Variants in GSTCD observed in about 807,000 individuals in gnomAD.
GSTCD encodes glutathione S-transferase C-terminal domain-containing protein.
Under a neutral mutation model 68.3 loss-of-function variants are expected in GSTCD, and 44 were observed. The observed-to-expected ratio is 0.64, with a 90% CI of 0.51 to 0.83. GSTCD has a LOEUF of 0.83. GSTCD is among the 40% of genes least tolerant of loss of function. GSTCD has a pLI of 0.00. For missense variants in GSTCD, 739 were observed against 735.9 expected (o/e 1.00, Z -0.05); for synonymous variants, 273 against 255.2 (o/e 1.07, Z -0.67).
intron 5 of GSTCD, among the ~76,000 whole-genome samples, chr4:105,763,077 TCA>T (rs1247487629): frequency 2.6e-5 from 4 of 152,158 alleles, no homozygotes; most frequent in African/African-American, 9.7e-5. Flanking sequence ...ATGAAAGCTG[TCA>T]CAGTTTCTCT....
rs1276201906 is a variant in GSTCD, at chr4:105,744,714, C to G, written c.1240+15215C>G. ...GCATAACAACATATTACAGGCTTATCTTATCATTTACCTGCCCCAGCCCTA... is the reference window on the plus strand; with the variant it reads ...GCATAACAACATATTACAGGCTTATGTTATCATTTACCTGCCCCAGCCCTA... On this transcript the variant is annotated intron_variant, in intron 5 of 11. Coordinates refer to ENST00000515279, the MANE Select transcript of GSTCD (RefSeq NM_001370181.1). Among the ~76,000 whole-genome samples the G allele has an allele frequency of 2.6e-5, 4 of 152,166 alleles. No individual in the cohort carries two copies. In the South Asian group the frequency reaches 6.2e-4, roughly 24 times the overall value.
chr4:105,737,927 T>A (rs1442853676), intron 5 of GSTCD, among the ~76,000 whole-genome samples: 1 of 152,208 alleles, frequency 6.6e-6, no homozygotes, highest in South Asian at 2.1e-4. Flanking sequence ...CATGGTAATG[T>A]GTGAGTTCTC....
chr4:105,823,442 AG>A (rs1261045652), intron 7 of GSTCD, 167 bp downstream of exon 7: 1 of 489,820 alleles, frequency 2.0e-6, no homozygotes, highest in African/African-American at 2.0e-5. Flanking sequence ...CAGAATCTTA[AG>A]GAAAAAAAAG....
intron 1 of GSTCD, among the ~76,000 whole-genome samples, chr4:105,715,158 AG>A (rs1160586837): frequency 6.6e-6 from 1 of 152,114 alleles, no homozygotes; most frequent in African/African-American, 2.4e-5. Flanking sequence ...CTCCTCAAAA[AG>A]ACTGTTAATT....
intron 5 of GSTCD, among the ~76,000 whole-genome samples, chr4:105,739,223 G>C (rs1241363614): frequency 6.6e-6 from 1 of 152,076 alleles, no homozygotes; most frequent in African/African-American, 2.4e-5. Context: ...ATGTGCTGTT[G>C]GATTTTCTGT....
At chr4:105,726,861 A>G (rs758089738) in intron 4 of GSTCD, 31 bp downstream of exon 4, 1 of 1,542,516 alleles carries the variant, frequency 6.5e-7, no homozygotes, top group Non-Finnish European at 8.8e-7. Context: ...TCTTTGAAAA[A>G]TTCTATGTGA....
At chr4:105,776,148 G>A (rs529210807) in intron 5 of GSTCD, among the ~76,000 whole-genome samples, 4 of 152,260 alleles carry the variant, frequency 2.6e-5, no homozygotes, top group African/African-American at 9.6e-5. Context: ...ATACTGCGAG[G>A]GGAAAACCAC....
rs57039503 is a variant in GSTCD at position 105,769,233 on chromosome 4, GCACACACACACA to G, written c.1240+39764_1240+39775del. Among the ~76,000 whole-genome samples the G allele has an allele frequency of 3.6e-3, 523 of 146,282 alleles. 1 individual carries two copies. Among genetic ancestry groups the G allele is most frequent in the Middle Eastern group, 0.011 (3 of 284 alleles). ...TTTTAAAAATATACTATACACGCGC[GCACACACACACA>G]CACACACACACACACACACACACAC... On this transcript the variant is annotated intron_variant, in intron 5 of 11. Coordinates refer to ENST00000515279, the MANE Select transcript of GSTCD (RefSeq NM_001370181.1).
At chr4:105,732,161 T>C (rs1012877724) in intron 5 of GSTCD, among the ~76,000 whole-genome samples, 1 of 152,292 alleles carries the variant, frequency 6.6e-6, no homozygotes, top group South Asian at 2.1e-4. Flanking sequence ...TCTTTTTTTG[T>C]TGTGTTTCTG....
chr4:105,725,519 T>G (rs1245165407), intron 3 of GSTCD, among the ~76,000 whole-genome samples: 1 of 152,150 alleles, frequency 6.6e-6, no homozygotes, highest in Non-Finnish European at 1.5e-5. Flanking sequence ...TGTTTTGGGT[T>G]TTTGCCATTC....
intron 5 of GSTCD, among the ~76,000 whole-genome samples, chr4:105,803,244 T>C (rs1252165284): frequency 2.0e-5 from 3 of 152,072 alleles, no homozygotes; most frequent in Non-Finnish European, 4.4e-5. Flanking sequence ...TATTTTTCCT[T>C]CTTGTTGGTA....
intron 5 of GSTCD, among the ~76,000 whole-genome samples, chr4:105,758,521 C>T (rs1202368651): frequency 3.9e-5 from 6 of 152,218 alleles, no homozygotes. Context: ...CCTGCTTCCC[C>T]TTTGCCTTCT....
At chr4:105,792,333 G>A (rs72673817) in intron 5 of GSTCD, among the ~76,000 whole-genome samples, 8,180 of 152,008 alleles carry the variant, frequency 0.054, 271 homozygotes, top group Middle Eastern at 0.14. Flanking sequence ...TAATTTAAAT[G>A]GGTTAAGTTT....
intron 5 of GSTCD, among the ~76,000 whole-genome samples, chr4:105,777,586 C>T (rs1424596787): frequency 6.6e-6 from 1 of 152,146 alleles, no homozygotes; most frequent in Non-Finnish European, 1.5e-5. Flanking sequence ...CACATTTTCT[C>T]CTCCATGAGA....
rs149335003 is a variant in GSTCD, at chr4:105,750,056, G to A, written c.1240+20557G>A. Among the ~76,000 whole-genome samples the A allele has an allele frequency of 2.4e-3, 371 of 152,248 alleles. 2 individuals carry two copies. Among genetic ancestry groups the A allele is most frequent in the African/African-American group, 8.6e-3 (359 of 41,538 alleles). ...ATTTCACCACAGAGCATATAAGATGGCACATGCATATATGAAAATTTCTTC... is the reference window on the plus strand; with the variant it reads ...ATTTCACCACAGAGCATATAAGATGACACATGCATATATGAAAATTTCTTC... On this transcript the variant is annotated intron_variant, in intron 5 of 11. Coordinates refer to ENST00000515279, the MANE Select transcript of GSTCD (RefSeq NM_001370181.1).
intron 1 of GSTCD, 25 bp from the exon 2 acceptor site, chr4:105,717,568 A>G (rs544548086): frequency 1.1e-5 from 14 of 1,308,604 alleles, no homozygotes; most frequent in African/African-American, 4.4e-5. Context: ...TTCTAAGACC[A>G]TAATCACTTC....
intron 4 of GSTCD, among the ~76,000 whole-genome samples, chr4:105,727,779 A>G (rs2149211154): frequency 6.6e-6 from 1 of 152,176 alleles, no homozygotes; most frequent in East Asian, 1.9e-4. Flanking sequence ...GTTTTCAACA[A>G]TGGGCTTTCC....
chr4:105,717,862 A>G lies in GSTCD; in HGVS notation c.249A>G (p.Pro83=). 1 of 1,614,134 alleles carries G rather than the reference A, an allele frequency of 6.2e-7. No homozygotes were observed. The highest frequency in any genetic ancestry group is 8.5e-7 in the Non-Finnish European group (1 of 1,180,000). ...IQIISRQELP[P]IVQNCCLPAV... is the part of the protein sequence containing the mutation. ...TTATTTCAAGGCAGGAGCTCCCACCAATAGTCCAAAATTGCTGTTTGCCTG... is the reference window on the plus strand; with the variant it reads ...TTATTTCAAGGCAGGAGCTCCCACCGATAGTCCAAAATTGCTGTTTGCCTG... Residue 83 remains proline, a synonymous_variant, in exon 2 of 12, where the codon CCA becomes CCG. Coordinates refer to ENST00000515279, the MANE Select transcript of GSTCD (RefSeq NM_001370181.1).
intron 5 of GSTCD, among the ~76,000 whole-genome samples, chr4:105,772,307 CAG>C (rs1464835030): frequency 1.3e-5 from 2 of 152,162 alleles, no homozygotes; most frequent in Non-Finnish European, 2.9e-5. Flanking sequence ...CATCTGCAAA[CAG>C]AGATAATTTG....
Sources: gnomAD v4.1 joint callset for allele counts (sites outside exome capture counted in the v4.1 genomes callset) on GRCh38, gnomAD v4.1.1 for gene constraint, MANE v1.5 for transcripts, NCBI Gene and HGNC (gene_info 2026-07-23, HGNC 2026-07-21) for gene names.